RAF1: variants seen among roughly 807,000 people sequenced by gnomAD.
RAF1 encodes RAF proto-oncogene serine/threonine-protein kinase.
Under a neutral mutation model 81.1 loss-of-function variants are expected in RAF1, and 27 were observed. The ratio of observed to expected loss-of-function variants is 0.33; its 90% confidence interval spans 0.25 to 0.46. RAF1 has a LOEUF of 0.46. Among genes scored for constraint, RAF1 ranks in the 20% least tolerant of loss-of-function variants. The pLI is 1.00. For missense variants in RAF1, 598 were observed against 826.0 expected (o/e 0.72, Z 3.38); for synonymous variants, 298 against 294.0 (o/e 1.01, Z -0.14).
chr3:12,595,480 A>G (rs796832469), intron 11 of RAF1, among the ~76,000 whole-genome samples: 9 of 152,264 alleles, frequency 5.9e-5, no homozygotes, highest in African/African-American at 2.2e-4. Flanking sequence ...CAAACCTCCT[A>G]AAGGTCTCGT....
rs532464712 is a variant in RAF1, at chr3:12,594,789, T to A, written c.1169-2997A>T. On this transcript the variant is annotated intron_variant, in intron 11 of 17. Coordinates refer to ENST00000442415, the MANE Select transcript of RAF1 (RefSeq NM_001354689.3). ...ATGCAAATACATATCACACCTCTGATTAAGTCACTGATGGGAAGACTGAAC... is the reference window on the plus strand; with the variant it reads ...ATGCAAATACATATCACACCTCTGAATAAGTCACTGATGGGAAGACTGAAC... 2.6e-5 allele frequency among the ~76,000 whole-genome samples: 4 copies of A among 152,346 alleles called. No homozygotes were observed. The South Asian group carries it at 8.3e-4, about 32-fold the overall frequency.
chr3:12,642,321 A>C (rs960450845), intron 1 of RAF1, among the ~76,000 whole-genome samples: 23 of 147,028 alleles, frequency 1.6e-4, no homozygotes, highest in African/African-American at 5.4e-4. Flanking sequence ...AAAAAACAAA[A>C]AAACAAAAAC....
intron 2 of RAF1, among the ~76,000 whole-genome samples, chr3:12,616,825 C>A (rs1481028221): frequency 6.6e-6 from 1 of 152,166 alleles, no homozygotes; most frequent in Non-Finnish European, 1.5e-5. Context: ...AGTTTTGAAC[C>A]CAAGTTTTCT....
At chr3:12,639,090 T>C (rs1219646128) in intron 1 of RAF1, among the ~76,000 whole-genome samples, 1 of 151,228 alleles carries the variant, frequency 6.6e-6, no homozygotes, top group Non-Finnish European at 1.5e-5. Context: ...ACATACATAA[T>C]CCATCATATA....
chr3:12,629,842 G>A (rs1031178689), intron 1 of RAF1, among the ~76,000 whole-genome samples: 2 of 152,206 alleles, frequency 1.3e-5, no homozygotes, highest in Admixed American at 1.3e-4. Flanking sequence ...TTGGAGTGCA[G>A]TGGCATGATC....
chr3:12,597,080 A>G (rs945793488), intron 11 of RAF1, among the ~76,000 whole-genome samples: 2 of 152,114 alleles, frequency 1.3e-5, no homozygotes, highest in Non-Finnish European at 2.9e-5. Flanking sequence ...TTGTATTTTT[A>G]GTAGAGACGG....
chr3:12,626,749 C>T (rs1320307685), intron 1 of RAF1, among the ~76,000 whole-genome samples: 1 of 151,738 alleles, frequency 6.6e-6, no homozygotes, highest in Non-Finnish European at 1.5e-5. Context: ...CTTCGCCAGG[C>T]GGGGTGGCTC....
intron 1 of RAF1, among the ~76,000 whole-genome samples, chr3:12,651,565 CG>C (rs2060526667): frequency 1.3e-5 from 2 of 150,808 alleles, no homozygotes. Context: ...ACCCGGGAGG[CG>C]GGGGTTGCAG....
intron 4 of RAF1, 40 bp downstream of exon 4, chr3:12,609,193 G>T (rs1457409086): frequency 6.9e-7 from 1 of 1,440,466 alleles, no homozygotes; most frequent in Non-Finnish European, 9.8e-7. Flanking sequence ...GCCTGGCAAA[G>T]CCCTCAACAT....
chr3:12,642,671 T>TACACACACACACACACACAC (rs71063856), intron 1 of RAF1, among the ~76,000 whole-genome samples: 9 of 117,058 alleles, frequency 7.7e-5, no homozygotes, highest in East Asian at 2.6e-4. Flanking sequence ...ACACCATCTC[T>TACACACACACACACACACAC]ACACACACAC....
At chr3:12,660,478 G>T (rs1321183112) in intron 1 of RAF1, among the ~76,000 whole-genome samples, 2 of 151,588 alleles carry the variant, frequency 1.3e-5, no homozygotes, top group African/African-American at 4.8e-5. Flanking sequence ...TTTTCTTTTT[G>T]TGTGTGTGTA....
intron 1 of RAF1, among the ~76,000 whole-genome samples, chr3:12,634,475 G>T (rs966444611): frequency 6.6e-6 from 1 of 152,030 alleles, no homozygotes; most frequent in Non-Finnish European, 1.5e-5. Flanking sequence ...CAAGGGATTT[G>T]TTACAGGAAT....
At chr3:12,634,316 T>C (rs916725696) in intron 1 of RAF1, among the ~76,000 whole-genome samples, 7 of 151,022 alleles carry the variant, frequency 4.6e-5, no homozygotes, top group Non-Finnish European at 8.9e-5. Context: ...CTGGCTAATT[T>C]TTTTTTTTTT....
chr3:12,635,137 G>A (rs1575633255), intron 1 of RAF1, among the ~76,000 whole-genome samples: 1 of 151,734 alleles, frequency 6.6e-6, no homozygotes, highest in East Asian at 1.9e-4. Context: ...ACCAGCCTGG[G>A]CAATATGATG....
At chr3:12,661,947 G>C (rs1418014274) in intron 1 of RAF1, among the ~76,000 whole-genome samples, 1 of 151,746 alleles carries the variant, frequency 6.6e-6, no homozygotes, top group Non-Finnish European at 1.5e-5. Flanking sequence ...CACTTTAAGA[G>C]GCTGAAGCTG....
rs540280911 is a variant in RAF1, at chr3:12,663,860, C to T, written c.-74G>A. The T allele has an allele frequency of 1.0e-5, 4 of 398,006 alleles. No homozygotes were observed. The highest frequency in any genetic ancestry group is 4.4e-5 in the Admixed American group (1 of 22,720). The allele number at this position is 398,006 out of a possible 1,614,324, so 24.7% of individuals were successfully genotyped here. A position where few individuals can be genotyped will look rare whatever the true frequency, so the allele number is the denominator to read the frequency against. On this transcript the variant is annotated 5_prime_UTR_variant, in exon 1 of 18. Transcript: ENST00000442415. Reference sequence around the variant, plus strand: ...ACGTCCTGTCGTTCGGCGGCAGCTTCTCGCCCGCTCCTCCTCCCCGCGGCG... The same window carrying T: ...ACGTCCTGTCGTTCGGCGGCAGCTTTTCGCCCGCTCCTCCTCCCCGCGGCG...
chr3:12,585,623 T>G, intron 15 of RAF1, 58 bp downstream of exon 14: 1 of 1,461,836 alleles, frequency 6.8e-7, no homozygotes, highest in Non-Finnish European at 9.6e-7. Flanking sequence ...CACATAAATC[T>G]CCAAGGCATT....
intron 13 of RAF1, chr3:12,587,944 C>A: frequency 4.8e-6 from 1 of 209,056 alleles, no homozygotes; most frequent in Admixed American, 6.3e-5. Flanking sequence ...GGACCACAGG[C>A]ATGTGCCACC....
At chr3:12,621,274 T>C (rs551399317) in intron 1 of RAF1, among the ~76,000 whole-genome samples, 3 of 152,314 alleles carry the variant, frequency 2.0e-5, no homozygotes, top group South Asian at 2.1e-4. Flanking sequence ...ACTGACTCCA[T>C]AGCCCTTACC....
Sources: gnomAD v4.1 joint callset for allele counts (sites outside exome capture counted in the v4.1 genomes callset) on GRCh38, gnomAD v4.1.1 for gene constraint, MANE v1.5 for transcripts, NCBI Gene and HGNC (gene_info 2026-07-23, HGNC 2026-07-21) for gene names.